The following AREL1 variants were observed in gnomAD, a reference collection of about 807,000 sequenced individuals.
AREL1 encodes the protein apoptosis resistant E3 ubiquitin protein ligase 1.
In AREL1, 62 loss-of-function variants were observed where a neutral mutation model predicts 99.0. The observed-to-expected ratio is 0.63, with a 90% CI of 0.51 to 0.77. The LOEUF (loss-of-function observed/expected upper bound fraction) is 0.77. AREL1 is among the 30% of genes least tolerant of loss of function. The pLI, the probability that AREL1 is intolerant of heterozygous loss-of-function variation, is 0.00. For missense variants in AREL1, 879 were observed against 1,027.6 expected, an observed-to-expected ratio of 0.86 and a Z score of 1.98; for synonymous variants, 380 against 376.5, an observed-to-expected ratio of 1.01 and a Z score of -0.11.
chr14:74,677,395 C>A (rs781490135), intron 5 of AREL1, among the ~76,000 whole-genome samples: 86 of 151,580 alleles, frequency 5.7e-4, no homozygotes, highest in Non-Finnish European at 1.1e-3. Flanking sequence ...ACTCAGGAAG[C>A]TAAGGCAAGA....
chr14:74,664,876 T>G lies in AREL1; in HGVS notation c.2153A>C (p.His718Pro), dbSNP rs747315835. The change falls in exon 18 of 20, where the codon CAT becomes CCT. Residue 718 changes from histidine (H) to proline (P), a missense_variant. By Grantham distance (77) the His-to-Pro change is moderately conservative (BLOSUM62 -2). Transcript: ENST00000356357. ...GDISVSDFKA[H>P]AVVVGGSWHF... Reference sequence around the variant, plus strand: ...CCATGAGCCACCAACAACTACTGCATGGGCTTTGAAGTCAGACACACTGAT... The same window carrying G: ...CCATGAGCCACCAACAACTACTGCAGGGGCTTTGAAGTCAGACACACTGAT... 6.2e-7 allele frequency: 1 copy of G among 1,613,960 alleles called. No individual in the cohort carries two copies. Among genetic ancestry groups the G allele is most frequent in the African/African-American group, 1.3e-5 (1 of 75,034 alleles).
rs1218718868 is a variant in AREL1, at chr14:74,675,949, G to C, written c.833-3C>G. The C allele has an allele frequency of 1.9e-6, 3 of 1,580,878 alleles. No homozygotes were observed. The highest frequency in any genetic ancestry group is 2.6e-6 in the Non-Finnish European group (3 of 1,163,180). ...TTCGACGATATTCTTCTCATCCTCT[G>C]AAGTATAATAAGGAATAAGGTTTAA... On this transcript the variant is annotated splice_polypyrimidine_tract_variant and splice_region_variant and intron_variant, in intron 7 of 19. Coordinates refer to ENST00000356357, the MANE Select transcript of AREL1 (RefSeq NM_001039479.2).
intron 1 of AREL1, among the ~76,000 whole-genome samples, chr14:74,712,525 C>A (rs1218442728): frequency 6.6e-6 from 1 of 152,182 alleles, no homozygotes; most frequent in Non-Finnish European, 1.5e-5. Flanking sequence ...AGATGACACA[C>A]CAAGGCTTCA....
intron 18 of AREL1, among the ~76,000 whole-genome samples, 156 bp from the exon 19 acceptor site, chr14:74,664,230 T>C (rs1258756040): frequency 1.3e-5 from 2 of 152,112 alleles, no homozygotes; most frequent in African/African-American, 2.4e-5. Context: ...CTTCAAGAAT[T>C]TACACTGTCA....
intron 11 of AREL1, 146 bp downstream of exon 11, chr14:74,672,685 T>C: frequency 9.0e-7 from 1 of 1,110,838 alleles, no homozygotes. Context: ...CAGTGAGCCA[T>C]GATCGCACCT....
At chr14:74,706,122 T>C (rs2139990090) in intron 1 of AREL1, among the ~76,000 whole-genome samples, 1 of 152,346 alleles carries the variant, frequency 6.6e-6, no homozygotes, top group East Asian at 1.9e-4. Flanking sequence ...GACTCTGCTA[T>C]GCCTGAGCCA....
intron 11 of AREL1, among the ~76,000 whole-genome samples, chr14:74,672,535 G>A (rs1202786940): frequency 3.3e-5 from 5 of 152,040 alleles, no homozygotes; most frequent in East Asian, 1.9e-4. Context: ...CCAGGAGTTC[G>A]AGACCAGCCG....
intron 1 of AREL1, among the ~76,000 whole-genome samples, chr14:74,707,026 T>C (rs982575053): frequency 2.0e-5 from 3 of 152,172 alleles, no homozygotes; most frequent in Admixed American, 2.0e-4. Flanking sequence ...ACCACATACA[T>C]AGCACAGAAA....
intron 1 of AREL1, among the ~76,000 whole-genome samples, chr14:74,707,092 G>A (rs1453853752): frequency 6.6e-6 from 1 of 152,204 alleles, no homozygotes; most frequent in Non-Finnish European, 1.5e-5. Context: ...ATCTGGTCGG[G>A]CACAGTGACT....
chr14:74,664,750 C>T (rs1057232703), intron 18 of AREL1, 86 bp downstream of exon 18: 7 of 1,153,594 alleles, frequency 6.1e-6, no homozygotes, highest in Non-Finnish European at 8.7e-6. Flanking sequence ...TGAGCCACTG[C>T]GCCCGGCCTC....
Position 74,664,877 on chromosome 14 carries a change from G to A in AREL1, c.2152C>T (p.His718Tyr), listed in dbSNP as rs770858865. ...CATGAGCCACCAACAACTACTGCATGGGCTTTGAAGTCAGACACACTGATG... is the reference window on the plus strand; with the variant it reads ...CATGAGCCACCAACAACTACTGCATAGGCTTTGAAGTCAGACACACTGATG... ...GDISVSDFKA[H>Y]AVVVGGSWHF... The change falls in exon 18 of 20, where the codon CAT (histidine) becomes TAT (tyrosine). Residue 718 changes from histidine to tyrosine, a missense_variant. His to Tyr is a moderately conservative substitution (Grantham distance 83). Coordinates refer to ENST00000356357, the MANE Select transcript of AREL1 (RefSeq NM_001039479.2). 8 of 1,613,858 alleles carry A rather than the reference G, an allele frequency of 5.0e-6. No individual in the cohort carries two copies. The highest frequency in any genetic ancestry group is 5.9e-6 in the Non-Finnish European group (7 of 1,179,848).
At chr14:74,690,417 G>C (rs571865995) in intron 2 of AREL1, among the ~76,000 whole-genome samples, 1 of 152,120 alleles carries the variant, frequency 6.6e-6, no homozygotes, top group African/African-American at 2.4e-5. Flanking sequence ...CTTGTAGATA[G>C]AGTTTGAAAG....
At chr14:74,673,999 T>G in intron 9 of AREL1, 35 bp downstream of exon 9, 1 of 1,550,124 alleles carries the variant, frequency 6.5e-7, no homozygotes, top group Admixed American at 1.7e-5. Context: ...AGATGAAGCA[T>G]GCTTGATGTG....
chr14:74,667,178 T>C (rs1420787816), intron 17 of AREL1, 141 bp downstream of exon 17: 8 of 876,548 alleles, frequency 9.1e-6, no homozygotes, highest in Non-Finnish European at 1.4e-5. Context: ...GGTCAATGAA[T>C]GGAGGAGCGA....
intron 5 of AREL1, among the ~76,000 whole-genome samples, chr14:74,679,821 C>G (rs1325312578): frequency 6.7e-6 from 1 of 150,224 alleles, no homozygotes; most frequent in Non-Finnish European, 1.5e-5. Context: ...GAACGAGACT[C>G]CATCTCAAAA....
intron 1 of AREL1, among the ~76,000 whole-genome samples, chr14:74,696,600 T>G (rs1384137012): frequency 1.3e-5 from 2 of 152,162 alleles, no homozygotes; most frequent in Non-Finnish European, 2.9e-5. Flanking sequence ...TTCCCAACAC[T>G]TTAGGAGGCT....
At chr14:74,664,778 G>C in intron 18 of AREL1, 58 bp downstream of exon 18, 1 of 1,534,388 alleles carries the variant, frequency 6.5e-7, no homozygotes. Context: ...TTTTTCTTCT[G>C]AAACTTTTTC....
At position 74,683,327 on chromosome 14, in the gene AREL1, T is replaced by C. The variant is rs752682337; in HGVS notation, c.450A>G (p.Ala150=). The change falls in exon 5 of 20, where the codon GCA becomes GCG. Residue 150 remains alanine, a synonymous_variant. Coordinates refer to ENST00000356357, the MANE Select transcript of AREL1 (RefSeq NM_001039479.2). ...ITVKLGGLNV[A]YSPYYKIFQP... is the part of the protein sequence containing the mutation. Reference sequence around the variant, plus strand: ...GAAAAATTTTGTAGTAGGGACTATATGCCACATTTAATCCACCAAGCTTCA... The same window carrying C: ...GAAAAATTTTGTAGTAGGGACTATACGCCACATTTAATCCACCAAGCTTCA... 2.5e-6 allele frequency: 4 copies of C among 1,614,126 alleles called. No individual in the cohort carries two copies. The highest frequency in any genetic ancestry group is 3.4e-6 in the Non-Finnish European group (4 of 1,179,984).
intron 8 of AREL1, among the ~76,000 whole-genome samples, chr14:74,675,433 A>C (rs2089448567): frequency 6.6e-6 from 1 of 152,248 alleles, no homozygotes; most frequent in East Asian, 1.9e-4. Flanking sequence ...TCTTTACTCC[A>C]ATCCTGTAGC....
Sources: allele counts gnomAD v4.1 joint callset (sites outside exome capture counted in the v4.1 genomes callset), GRCh38; gene constraint gnomAD v4.1.1; transcripts MANE v1.5; gene names NCBI Gene and HGNC (gene_info 2026-07-23, HGNC 2026-07-21).